The following KCNH7 variants were observed in gnomAD, a reference collection of about 807,000 sequenced individuals.
KCNH7 encodes the protein potassium voltage-gated channel subfamily H member 7.
KCNH7 carries 49 observed loss-of-function variants against 120.8 expected under a neutral mutation model. That is an observed-to-expected ratio of 0.41 (90% CI 0.32 to 0.51). The LOEUF (loss-of-function observed/expected upper bound fraction) is 0.51. KCNH7 is among the 20% of genes least tolerant of loss of function. The pLI, the probability that KCNH7 is intolerant of heterozygous loss-of-function variation, is 0.38. For synonymous variants in KCNH7, 547 were observed against 516.1 expected (o/e 1.06, Z -0.81); for missense variants, 1,097 against 1,446.6 (o/e 0.76, Z 3.92).
In KCNH7 at chr2:162,818,572, AT is replaced by A. The variant is rs539338050; in HGVS notation, c.307+17964del. The stretch of plus-strand genomic sequence containing the variant: ...CTTTGGGTTATTCTAGATTCTTTCC[AT>A]TTTTATACAAATTTTTGAATGACTT... On this transcript the variant is annotated intron_variant, in intron 2 of 15. Transcript: ENST00000332142. Among the ~76,000 whole-genome samples, 38 of 152,124 alleles carry A rather than the reference AT, an allele frequency of 2.5e-4. 1 individual carries two copies. The South Asian group carries it at 7.5e-3, about 30-fold the overall frequency.
At chr2:162,633,877 T>C (rs1683851030) in intron 2 of KCNH7, among the ~76,000 whole-genome samples, 1 of 152,052 alleles carries the variant, frequency 6.6e-6, no homozygotes. Context: ...TAATTACCCT[T>C]CTCTCCAGCA....
intron 2 of KCNH7, among the ~76,000 whole-genome samples, chr2:162,758,665 A>G (rs577527699): frequency 3.3e-5 from 5 of 152,122 alleles, no homozygotes; most frequent in Admixed American, 6.6e-5. Flanking sequence ...CCAGCATATA[A>G]TCGAGCAAAT....
At chr2:162,602,226 G>A (rs1239169750) in intron 2 of KCNH7, among the ~76,000 whole-genome samples, 1 of 152,074 alleles carries the variant, frequency 6.6e-6, no homozygotes, top group East Asian at 1.9e-4. Flanking sequence ...TGTCTCCCGA[G>A]TGAGAGCCAA....
chr2:162,665,482 A>G (rs1282335299), intron 2 of KCNH7, among the ~76,000 whole-genome samples: 1 of 152,134 alleles, frequency 6.6e-6, no homozygotes, highest in Non-Finnish European at 1.5e-5. Context: ...ATGAAAAGTT[A>G]TGTTTGGCAC....
chr2:162,433,901 T>A (rs1308962398), intron 8 of KCNH7, among the ~76,000 whole-genome samples: 1 of 151,946 alleles, frequency 6.6e-6, no homozygotes, highest in Non-Finnish European at 1.5e-5. Flanking sequence ...GAAAAATAAA[T>A]CGTTCTACCA....
At chr2:162,403,377 C>T (rs1365721214) in intron 9 of KCNH7, among the ~76,000 whole-genome samples, 1 of 151,862 alleles carries the variant, frequency 6.6e-6, no homozygotes, top group African/African-American at 2.4e-5. Flanking sequence ...CTGTTTCTGG[C>T]TTGTTATATG....
In KCNH7 at chr2:162,446,392, G is replaced by T. The variant is rs1404227109; in HGVS notation, c.1180C>A (p.Arg394Ser). The T allele has an allele frequency of 1.9e-6, 3 of 1,613,524 alleles. No individual in the cohort carries two copies. The highest frequency in any genetic ancestry group is 2.5e-6 in the Non-Finnish European group (3 of 1,179,684). ...TGCAATATCGTAAACTTGTTGATGCGTGGTGTCTGCAGTTTGTATTCAGGT... is the reference window on the plus strand; with the variant it reads ...TGCAATATCGTAAACTTGTTGATGCTTGGTGTCTGCAGTTTGTATTCAGGT... ...VLPEYKLQTP[R>S]INKFTILHYS... Residue 394 changes from arginine (R) to serine (S), a missense_variant, in exon 7 of 16, where the codon CGC (arginine) becomes AGC (serine). Coordinates refer to ENST00000332142, the MANE Select transcript of KCNH7 (RefSeq NM_033272.4).
intron 2 of KCNH7, among the ~76,000 whole-genome samples, chr2:162,686,836 C>A (rs1315602405): frequency 6.6e-6 from 1 of 152,108 alleles, no homozygotes; most frequent in African/African-American, 2.4e-5. Flanking sequence ...ATGTGAGCTG[C>A]TGCACATGAA....
chr2:162,825,842 GTT>G (rs1685265330), intron 2 of KCNH7, among the ~76,000 whole-genome samples: 2 of 152,096 alleles, frequency 1.3e-5, no homozygotes, highest in Non-Finnish European at 2.9e-5. Context: ...CCCTGGTCTT[GTT>G]AAAAACATGC....
chr2:162,610,519 A>C (rs1228451426), intron 2 of KCNH7, among the ~76,000 whole-genome samples: 2 of 152,262 alleles, frequency 1.3e-5, no homozygotes, highest in South Asian at 4.1e-4. Context: ...TTCTGAAGAC[A>C]AAGATTCTGT....
chr2:162,559,034 A>G (rs11895204), intron 2 of KCNH7, among the ~76,000 whole-genome samples: 5,729 of 145,426 alleles, frequency 0.039, 426 homozygotes, highest in African/African-American at 0.14. Context: ...CAGCCTGGGC[A>G]ACAGAGCAAG....
At chr2:162,576,657 GT>G (rs140194419) in intron 2 of KCNH7, among the ~76,000 whole-genome samples, 76,723 of 150,804 alleles carry the variant, frequency 0.51, 19,646 homozygotes, top group Middle Eastern at 0.62. Flanking sequence ...GTTTTTTGGG[GT>G]TTTTTTTTCC....
chr2:162,400,549 A>G, intron 9 of KCNH7, 108 bp from the exon 10 acceptor site: 2 of 1,086,152 alleles, frequency 1.8e-6, no homozygotes, highest in Non-Finnish European at 2.7e-6. Flanking sequence ...ATTGCCACGC[A>G]GGAGTTCCTA....
chr2:162,755,219 G>T (rs1379336138), intron 2 of KCNH7, among the ~76,000 whole-genome samples: 1 of 152,028 alleles, frequency 6.6e-6, no homozygotes, highest in Non-Finnish European at 1.5e-5. Flanking sequence ...TATAATCCTA[G>T]CACTTTGGGA....
At chr2:162,680,502 A>T (rs1045897408) in intron 2 of KCNH7, among the ~76,000 whole-genome samples, 1 of 151,746 alleles carries the variant, frequency 6.6e-6, no homozygotes, top group Non-Finnish European at 1.5e-5. Context: ...ATATGTAAAT[A>T]AATAATCAGC....
chr2:162,778,500 T>A (rs1331360069), intron 2 of KCNH7, among the ~76,000 whole-genome samples: 3 of 152,140 alleles, frequency 2.0e-5, no homozygotes, highest in Admixed American at 2.0e-4. Flanking sequence ...ATCTTCTCAT[T>A]ACTCTACACT....
intron 2 of KCNH7, among the ~76,000 whole-genome samples, chr2:162,756,098 T>C (rs982943030): frequency 6.6e-6 from 1 of 152,192 alleles, no homozygotes; most frequent in Non-Finnish European, 1.5e-5. Context: ...TCATCATAAG[T>C]GAGTTATAAA....
intron 3 of KCNH7, among the ~76,000 whole-genome samples, chr2:162,530,764 G>A (rs1359272249): frequency 2.0e-5 from 3 of 151,746 alleles, no homozygotes; most frequent in Admixed American, 6.6e-5. Context: ...AACAATGTTT[G>A]AAATAGCCAG....
At chr2:162,627,329 T>G (rs1683596265) in intron 2 of KCNH7, among the ~76,000 whole-genome samples, 1 of 152,178 alleles carries the variant, frequency 6.6e-6, no homozygotes, top group South Asian at 2.1e-4. Flanking sequence ...AAATAGCATC[T>G]CTGACCCAGG....
Sources: gnomAD v4.1 joint callset for allele counts (sites outside exome capture counted in the v4.1 genomes callset) on GRCh38, gnomAD v4.1.1 for gene constraint, MANE v1.5 for transcripts, NCBI Gene and HGNC (gene_info 2026-07-23, HGNC 2026-07-21) for gene names.